The following PCDH9 variants were observed in gnomAD, a reference collection of about 807,000 sequenced individuals.
The protein encoded by PCDH9 is protocadherin 9, also known as protocadherin-9.
PCDH9 carries 24 observed loss-of-function variants against 70.6 expected under a neutral mutation model. The ratio of observed to expected loss-of-function variants is 0.34; its 90% CI spans 0.25 to 0.48. The LOEUF is 0.48. Among genes scored for constraint, PCDH9 ranks in the 20% least tolerant of loss-of-function variants. The probability of loss-of-function intolerance (pLI) is 0.99; values close to 1 mark genes in which losing one functional copy is unlikely to be tolerated. For synonymous variants in PCDH9, 562 were observed against 558.5 expected (o/e 1.01, Z -0.09); for missense variants, 1,281 against 1,503.6 (o/e 0.85, Z 2.45).
intron 3 of PCDH9, among the ~76,000 whole-genome samples, chr13:66,841,834 G>T (rs1021525352): frequency 6.6e-6 from 1 of 152,134 alleles, no homozygotes; most frequent in African/African-American, 2.4e-5. Flanking sequence ...TGATTCTATT[G>T]CTTTATTTTT....
At chr13:66,707,504 C>T (rs2078727022) in intron 3 of PCDH9, among the ~76,000 whole-genome samples, 1 of 152,192 alleles carries the variant, frequency 6.6e-6, no homozygotes, top group South Asian at 2.1e-4. Flanking sequence ...GAGAAATGCT[C>T]ATCACTTTTA....
intron 3 of PCDH9, among the ~76,000 whole-genome samples, chr13:66,672,945 G>T (rs759816333): frequency 2.6e-5 from 4 of 152,176 alleles, no homozygotes; most frequent in Non-Finnish European, 5.9e-5. Flanking sequence ...TAGGTGGAAA[G>T]GACTTGCCTT....
intron 2 of PCDH9, among the ~76,000 whole-genome samples, chr13:67,128,212 G>A (rs2087026309): frequency 6.6e-6 from 1 of 152,184 alleles, no homozygotes; most frequent in South Asian, 2.1e-4. Flanking sequence ...ATAAGGGCAT[G>A]AGCCAATTCT....
At chr13:66,653,973 T>TAA (rs59143528) in intron 3 of PCDH9, among the ~76,000 whole-genome samples, 4 of 128,442 alleles carry the variant, frequency 3.1e-5, no homozygotes, top group African/African-American at 8.6e-5. Flanking sequence ...GTCTCAAAAT[T>TAA]AAAAAAAAAA....
rs150489335 is a variant in PCDH9 at position 66,954,474 on chromosome 13, A to G, written c.3037-50869T>C. ...TACAATTTTTTACCCTAAACATTGGATAAGCTGAAGCTTACAGAGAGAGCT... is the reference window on the plus strand; with the variant it reads ...TACAATTTTTTACCCTAAACATTGGGTAAGCTGAAGCTTACAGAGAGAGCT... On this transcript the variant is annotated intron_variant, in intron 2 of 4. Transcript: ENST00000377865. Among the ~76,000 whole-genome samples the G allele has an allele frequency of 7.2e-3, 1,097 of 152,306 alleles. 17 individuals carry two copies. Among genetic ancestry groups the G allele is most frequent in the Middle Eastern group, 0.054 (16 of 294 alleles).
At chr13:66,849,517 T>TATATATAGAG (rs1272589939) in intron 3 of PCDH9, among the ~76,000 whole-genome samples, 40 of 63,566 alleles carry the variant, frequency 6.3e-4, no homozygotes, top group East Asian at 3.3e-3. Context: ...TATATATATA[T>TATATATAGAG]AGAGAGAGAG....
At chr13:67,069,249 A>G (rs910215558) in intron 2 of PCDH9, among the ~76,000 whole-genome samples, 1 of 152,166 alleles carries the variant, frequency 6.6e-6, no homozygotes, top group African/African-American at 2.4e-5. Flanking sequence ...GAGAATTGTC[A>G]TTAAGGAAAA....
chr13:67,188,178 C>A (rs1342122952), intron 2 of PCDH9, among the ~76,000 whole-genome samples: 1 of 152,000 alleles, frequency 6.6e-6, no homozygotes, highest in African/African-American at 2.4e-5. Context: ...GCTTATCATG[C>A]GAATTTCTGT....
rs755195441 is a variant in PCDH9 at position 67,225,802 on chromosome 13, G to A, written c.2639C>T (p.Ser880Phe). 1 of 1,614,104 alleles carries A rather than the reference G, an allele frequency of 6.2e-7. No individual in the cohort carries two copies. The highest frequency in any genetic ancestry group is 1.1e-5 in the South Asian group (1 of 91,058). ...KRKKRKSPKS[S>F]LLNFVTIEES... ...TTCGATAGTAACAAAGTTCAAAAGA[G>A]AGCTTTTGGGAGACTTCCTTTTCTT... Residue 880 changes from serine to phenylalanine, a missense_variant, in exon 2 of 5, where the codon TCT (serine) becomes TTT (phenylalanine). Ser to Phe is a radical substitution (Grantham distance 155). Coordinates refer to ENST00000377865, the MANE Select transcript of PCDH9 (RefSeq NM_203487.3).
chr13:66,365,304 T>C (rs774952895), intron 4 of PCDH9, among the ~76,000 whole-genome samples: 1 of 152,152 alleles, frequency 6.6e-6, no homozygotes, highest in African/African-American at 2.4e-5. Context: ...CTAGAGAACA[T>C]GGTTGTCTGA....
At chr13:66,944,133 A>G (rs550786616) in intron 2 of PCDH9, among the ~76,000 whole-genome samples, 3 of 152,158 alleles carry the variant, frequency 2.0e-5, no homozygotes, top group Non-Finnish European at 4.4e-5. Context: ...TATAGTAATT[A>G]TTATAAACAA....
At chr13:66,699,685 C>A (rs1353839682) in intron 3 of PCDH9, among the ~76,000 whole-genome samples, 4 of 152,054 alleles carry the variant, frequency 2.6e-5, no homozygotes, top group Admixed American at 2.6e-4. Flanking sequence ...CTTGCAGACA[C>A]CTTGATTTTT....
chr13:66,942,992 C>T (rs2083029818), intron 2 of PCDH9, among the ~76,000 whole-genome samples: 2 of 148,996 alleles, frequency 1.3e-5, no homozygotes, highest in Non-Finnish European at 3.0e-5. Context: ...GTTATTAACA[C>T]GAAACCTGAG....
intron 4 of PCDH9, among the ~76,000 whole-genome samples, chr13:66,577,322 C>A (rs1039909505): frequency 6.6e-6 from 1 of 151,680 alleles, no homozygotes; most frequent in Non-Finnish European, 1.5e-5. Flanking sequence ...CTTGCAGGAA[C>A]AAAACTCTAT....
chr13:66,943,948 T>C (rs182698144), intron 2 of PCDH9, among the ~76,000 whole-genome samples: 1 of 151,708 alleles, frequency 6.6e-6, no homozygotes, highest in East Asian at 1.9e-4. Flanking sequence ...ACCCTGGCTC[T>C]ACCTCTTAAA....
intron 3 of PCDH9, among the ~76,000 whole-genome samples, chr13:66,774,068 G>T (rs906476275): frequency 6.6e-6 from 1 of 152,078 alleles, no homozygotes; most frequent in Non-Finnish European, 1.5e-5. Context: ...ATGAGCCACC[G>T]CACCCAGCCA....
intron 2 of PCDH9, among the ~76,000 whole-genome samples, chr13:67,025,508 T>C (rs1031727706): frequency 1.3e-5 from 2 of 152,132 alleles, no homozygotes; most frequent in Non-Finnish European, 2.9e-5. Flanking sequence ...ATCATTGGTA[T>C]CAGAAATTAA....
intron 2 of PCDH9, among the ~76,000 whole-genome samples, chr13:66,960,557 C>T (rs1594315778): frequency 6.6e-6 from 1 of 152,254 alleles, no homozygotes; most frequent in East Asian, 1.9e-4. Flanking sequence ...AGGTCACTCT[C>T]ATGTTATTAT....
At position 66,444,015 on chromosome 13, in the gene PCDH9, C is replaced by T. The variant is rs577182716; in HGVS notation, c.3341-138987G>A. Among the ~76,000 whole-genome samples, 79 of 152,208 alleles carry T rather than the reference C, an allele frequency of 5.2e-4. 3 individuals are homozygous for T. In the South Asian group the frequency reaches 0.016, roughly 31 times the overall value. On this transcript the variant is annotated intron_variant, in intron 4 of 4. Coordinates refer to ENST00000377865, the MANE Select transcript of PCDH9 (RefSeq NM_203487.3). ...GTCAGCTTCAGAAATTATTTTCCCC[C>T]TCTACAAATTCACCTGTTTATCTCT...
Sources: allele counts gnomAD v4.1 joint callset (sites outside exome capture counted in the v4.1 genomes callset), GRCh38; gene constraint gnomAD v4.1.1; transcripts MANE v1.5; gene names NCBI Gene and HGNC (gene_info 2026-07-23, HGNC 2026-07-21).